KNDC1: variants seen among roughly 807,000 people sequenced by gnomAD.
KNDC1 encodes kinase non-catalytic C-lobe domain containing 1.
In KNDC1, 106 loss-of-function variants were observed where a neutral mutation model predicts 172.8. The observed-to-expected ratio is 0.61, with a 90% confidence interval of 0.52 to 0.72. The LOEUF (loss-of-function observed/expected upper bound fraction) is 0.72. KNDC1 is among the 30% of genes least tolerant of loss of function. The pLI, the probability that KNDC1 is intolerant of heterozygous loss-of-function variation, is 0.00. For synonymous variants in KNDC1, 1,083 were observed against 1,062.2 expected (o/e 1.02, Z -0.38); for missense variants, 2,325 against 2,394.5 (o/e 0.97, Z 0.61).
intron 9 of KNDC1, among the ~76,000 whole-genome samples, chr10:133,193,589 AG>A (rs1854116452): frequency 6.6e-6 from 1 of 152,162 alleles, no homozygotes. Context: ...AGAAGGAAAA[AG>A]GAGAAGGAAG....
rs1279713338 is a variant in KNDC1 at position 133,188,755 on chromosome 10, G to A, written c.1441+102G>A. ...CCCCCGCCGTCCCACCCCCCACACC[G>A]TCCCACGCCCCCCCACTGTCCCATC... is the stretch of plus-strand genomic sequence containing the variant. On this transcript the variant is annotated intron_variant, in intron 7 of 29. Transcript: ENST00000304613. 9.5e-5 allele frequency: 52 copies of A among 548,776 alleles called. 2 individuals are homozygous for A. Among genetic ancestry groups the A allele is most frequent in the South Asian group, 7.6e-4 (40 of 52,910 alleles). 34.0% of individuals were successfully genotyped at this position (548,776 alleles called of 1,614,324 possible).
chr10:133,199,054 C>T lies in KNDC1; in HGVS notation c.2546C>T (p.Ala849Val). The change falls in exon 14 of 30, where the codon GCC becomes GTC. Residue 849 changes from alanine to valine, a missense_variant. Physicochemically the swap from Ala to Val is moderately conservative, Grantham distance 64. Coordinates refer to ENST00000304613, the MANE Select transcript of KNDC1 (RefSeq NM_152643.8). The part of the protein sequence containing the change: ...RPGQEPEGPG[A>V]TPAGERDDQS... ...GGCCAGGAGCCAGAGGGCCCCGGGG[C>T]CACCCCTGCCGGGGAACGTGATGAC... The T allele has an allele frequency of 6.3e-7, 1 of 1,596,598 alleles. No homozygotes were observed.
intron 6 of KNDC1, among the ~76,000 whole-genome samples, chr10:133,187,931 G>A (rs868579245): frequency 4.7e-5 from 5 of 106,646 alleles, no homozygotes; most frequent in South Asian, 5.7e-4. Flanking sequence ...CCATGAGCCT[G>A]GCCCCTGCAC....
At chr10:133,206,218 T>TA (rs1845188274) in intron 17 of KNDC1, among the ~76,000 whole-genome samples, 1 of 151,980 alleles carries the variant, frequency 6.6e-6, no homozygotes, top group South Asian at 2.1e-4. Context: ...ATAACTAAAT[T>TA]AAAAAATAAA....
rs950088050 is a variant in KNDC1, at chr10:133,225,979, G to A, written c.*1089G>A. ...GGCCCCAGCTCCGTGGGGCTCTCAC[G>A]GTGCCAATCACAAGACCCAGGGTTG... On this transcript the variant is annotated 3_prime_UTR_variant, in exon 30 of 30. Transcript: ENST00000304613. 8 of 152,372 alleles carry A rather than the reference G, an allele frequency of 5.3e-5. No individual in the cohort carries two copies. Among genetic ancestry groups the A allele is most frequent in the South Asian group, 4.1e-4 (2 of 4,834 alleles). 9.4% of individuals were successfully genotyped at this position (152,372 alleles called of 1,614,324 possible).
intron 1 of KNDC1, among the ~76,000 whole-genome samples, chr10:133,162,604 GA>G (rs576442647): frequency 7.8e-4 from 119 of 152,362 alleles, no homozygotes; most frequent in Admixed American, 2.2e-3. Context: ...CTGAACATGT[GA>G]AAAGATGTTT....
chr10:133,183,434 G>C lies in KNDC1; in HGVS notation c.451G>C (p.Glu151Gln). 6.2e-7 allele frequency: 1 copy of C among 1,605,958 alleles called. No individual in the cohort carries two copies. Among genetic ancestry groups the C allele is most frequent in the South Asian group, 1.1e-5 (1 of 89,594 alleles). Residue 151 changes from glutamate (E) to glutamine (Q), a missense_variant, in exon 4 of 30, where the codon GAG becomes CAG. Glu to Gln is a conservative substitution (Grantham distance 29, BLOSUM62 2). Transcript: ENST00000304613. The part of the protein sequence containing the change: ...TLEPRLSQDL[E>Q]ALLSRMQAED... ...GGAACCCAGGCTGAGCCAAGACCTCGAGGCGCTGCTGAGCCGGATGCAGGC... is the reference window on the plus strand; with the variant it reads ...GGAACCCAGGCTGAGCCAAGACCTCCAGGCGCTGCTGAGCCGGATGCAGGC...
intron 9 of KNDC1, 106 bp from the exon 10 acceptor site, chr10:133,195,556 TG>T: frequency 9.1e-7 from 1 of 1,093,068 alleles, no homozygotes; most frequent in Non-Finnish European, 1.2e-6. Context: ...AGCCCCTCTG[TG>T]GGGGCAGTGC....
At chr10:133,202,449 G>A in intron 17 of KNDC1, 3 of 395,642 alleles carry the variant, frequency 7.6e-6, no homozygotes, top group South Asian at 3.7e-5. Context: ...GGGTGCAGGA[G>A]AGGCCTGCAG....
At position 133,212,789 on chromosome 10, in the gene KNDC1, C is replaced by T. The variant is rs1192438464; in HGVS notation, c.4310C>T (p.Ala1437Val). Reference sequence around the variant, plus strand: ...CACAAGGAGCGCCCCTACACCATTGCTGCCGCCCTGCCCAAGCCCTGCTTC... The same window carrying T: ...CACAAGGAGCGCCCCTACACCATTGTTGCCGCCCTGCCCAAGCCCTGCTTC... ...PPHKERPYTI[A>V]AALPKPCFLE... The change falls in exon 24 of 30, where the codon GCT (alanine) becomes GTT (valine). Residue 1437 changes from alanine to valine, a missense_variant. Physicochemically the swap from Ala to Val is moderately conservative, Grantham distance 64. Coordinates refer to ENST00000304613, the MANE Select transcript of KNDC1 (RefSeq NM_152643.8). The T allele has an allele frequency of 1.2e-6, 2 of 1,614,006 alleles. No homozygotes were observed. The highest frequency in any genetic ancestry group is 1.7e-6 in the Non-Finnish European group (2 of 1,179,956).
At chr10:133,179,820 GC>G (rs1853663854) in intron 3 of KNDC1, among the ~76,000 whole-genome samples, 1 of 152,064 alleles carries the variant, frequency 6.6e-6, no homozygotes, top group African/African-American at 2.4e-5. Context: ...GCTCCCCGTC[GC>G]CCTGTGGCCT....
intron 3 of KNDC1, chr10:133,178,751 C>G (rs1345047790): frequency 3.9e-5 from 6 of 152,296 alleles, no homozygotes; most frequent in African/African-American, 1.4e-4. Flanking sequence ...TCCCTAAGGC[C>G]AGGCCCAGGA....
intron 20 of KNDC1, 31 bp from the exon 21 acceptor site, chr10:133,210,580 C>A: frequency 1.4e-6 from 2 of 1,400,212 alleles, no homozygotes; most frequent in Non-Finnish European, 2.0e-6. Flanking sequence ...GGCCACCCCA[C>A]CACCTCACCG....
At chr10:133,171,264 C>T (rs555869989) in intron 3 of KNDC1, among the ~76,000 whole-genome samples, 1 of 152,136 alleles carries the variant, frequency 6.6e-6, no homozygotes, top group African/African-American at 2.4e-5. Flanking sequence ...AATTCATTGT[C>T]CTCTTTTTGT....
At chr10:133,191,741 C>T (rs780866484) in intron 9 of KNDC1, among the ~76,000 whole-genome samples, 21 of 152,210 alleles carry the variant, frequency 1.4e-4, no homozygotes, top group Non-Finnish European at 2.8e-4. Context: ...AAGCCTGGGT[C>T]TGTAATCAGA....
chr10:133,218,408 G>A (rs1356746450), intron 26 of KNDC1, among the ~76,000 whole-genome samples: 5 of 152,154 alleles, frequency 3.3e-5, no homozygotes, highest in Non-Finnish European at 7.4e-5. Context: ...CTCCTGCCAC[G>A]GGCTTGGCGC....
At chr10:133,202,618 G>A (rs999725037) in intron 17 of KNDC1, 11 of 456,526 alleles carry the variant, frequency 2.4e-5, no homozygotes, top group Non-Finnish European at 2.2e-5. Context: ...GCCACCGTGG[G>A]AAGCCTCCCC....
At chr10:133,183,290 T>C in intron 3 of KNDC1, 54 bp from the exon 4 acceptor site, 1 of 1,504,788 alleles carries the variant, frequency 6.6e-7, no homozygotes, top group Non-Finnish European at 8.9e-7. Flanking sequence ...CTGGCCGCGG[T>C]CGGGGTGGCG....
At chr10:133,170,363 G>C (rs1853338083) in intron 3 of KNDC1, among the ~76,000 whole-genome samples, 1 of 151,642 alleles carries the variant, frequency 6.6e-6, no homozygotes, top group Admixed American at 6.6e-5. Context: ...TGGGATCTGG[G>C]GTCTGGCCTG....
Sources: gnomAD v4.1 joint callset for allele counts (sites outside exome capture counted in the v4.1 genomes callset) on GRCh38, gnomAD v4.1.1 for gene constraint, MANE v1.5 for transcripts, NCBI Gene and HGNC (gene_info 2026-07-23, HGNC 2026-07-21) for gene names.